The following SGSM1 variants were observed in gnomAD, a reference collection of about 807,000 sequenced individuals.
The protein encoded by SGSM1 is small G protein signaling modulator 1.
A neutral mutation model predicts 133.8 loss-of-function variants in SGSM1; 73 were observed. The ratio of observed to expected loss-of-function variants is 0.55; its 90% CI spans 0.45 to 0.66. The LOEUF is 0.66. Among genes scored for constraint, SGSM1 ranks in the 30% least tolerant of loss-of-function variants. The pLI, the probability that SGSM1 is intolerant of heterozygous loss-of-function variation, is 0.00. For missense variants in SGSM1, 1,213 were observed against 1,448.1 expected, an observed-to-expected ratio of 0.84 and a Z score of 2.64; for synonymous variants, 563 against 573.0, an observed-to-expected ratio of 0.98 and a Z score of 0.25.
chr22:24,855,248 C>T (rs373064411), intron 6 of SGSM1, 37 bp from the exon 7 acceptor site: 89 of 1,589,802 alleles, frequency 5.6e-5, no homozygotes, highest in South Asian at 6.8e-5. Context: ...GAGGACTTTC[C>T]GGGGCAGTGG....
intron 2 of SGSM1, among the ~76,000 whole-genome samples, chr22:24,823,063 T>G (rs1928575257): frequency 6.6e-6 from 1 of 152,188 alleles, no homozygotes; most frequent in Non-Finnish European, 1.5e-5. Context: ...GATTTGAATC[T>G]TGCCCTGCCA....
At chr22:24,808,109 C>T (rs1927519272) in intron 2 of SGSM1, among the ~76,000 whole-genome samples, 8 of 144,960 alleles carry the variant, frequency 5.5e-5, no homozygotes, top group Non-Finnish European at 7.6e-5. Flanking sequence ...TTTTTTTTTT[C>T]TTGGTGTTTT....
At chr22:24,842,399 C>T (rs1929859562) in intron 2 of SGSM1, among the ~76,000 whole-genome samples, 1 of 152,122 alleles carries the variant, frequency 6.6e-6, no homozygotes, top group Admixed American at 6.5e-5. Context: ...TGTTACTGCT[C>T]TATTATCCAC....
chr22:24,855,801 C>G (rs1191324157), intron 8 of SGSM1, 121 bp downstream of exon 8: 1 of 1,413,884 alleles, frequency 7.1e-7, no homozygotes, highest in Non-Finnish European at 9.9e-7. Flanking sequence ...CACCCATGCA[C>G]ACATCCACCC....
At chr22:24,876,781 T>G in intron 13 of SGSM1, 66 bp downstream of exon 13, 1 of 1,596,214 alleles carries the variant, frequency 6.3e-7, no homozygotes, top group Non-Finnish European at 8.6e-7. Flanking sequence ...TAGATGCCCA[T>G]GTCTTACCCT....
At chr22:24,887,874 T>G (rs2123681295) in intron 16 of SGSM1, among the ~76,000 whole-genome samples, 1 of 152,310 alleles carries the variant, frequency 6.6e-6, no homozygotes, top group South Asian at 2.1e-4. Flanking sequence ...GTCTTGTCAC[T>G]ATTTTTTATT....
chr22:24,812,990 C>A lies in SGSM1; in HGVS notation c.63+6506C>A, dbSNP rs551957422. ...ATATGTATTAAAGGTAACAAGAGCT[C>A]CAAGGAAAATAACGGCTGGAAGAGA... On this transcript the variant is annotated intron_variant, in intron 2 of 24. Coordinates refer to ENST00000400358, the MANE Select transcript of SGSM1 (RefSeq NM_001098497.3). 4.6e-5 allele frequency among the ~76,000 whole-genome samples: 7 copies of A among 152,162 alleles called. No individual in the cohort carries two copies. In the South Asian group the frequency reaches 1.4e-3, roughly 32 times the overall value.
chr22:24,836,714 G>A (rs1929451359), intron 2 of SGSM1, among the ~76,000 whole-genome samples: 1 of 152,106 alleles, frequency 6.6e-6, no homozygotes, highest in Non-Finnish European at 1.5e-5. Context: ...GTGCTTGTTC[G>A]TCATTTGCAC....
At chr22:24,882,155 C>T (rs1932367977) in intron 14 of SGSM1, among the ~76,000 whole-genome samples, 1 of 152,154 alleles carries the variant, frequency 6.6e-6, no homozygotes, top group Non-Finnish European at 1.5e-5. Context: ...CACCCTCTAC[C>T]TCCCTGGCTG....
intron 22 of SGSM1, among the ~76,000 whole-genome samples, chr22:24,917,055 CTTTTTTTTT>C (rs139775): frequency 2.5e-5 from 3 of 118,480 alleles, no homozygotes; most frequent in Non-Finnish European, 5.2e-5. Context: ...ATAAAAAATT[CTTTTTTTTT>C]TTTTTTTTTT....
rs1444242223 is a variant in SGSM1, at chr22:24,886,719, A to G, written c.1761A>G (p.Glu587=). 1 of 1,585,644 alleles carries G rather than the reference A, an allele frequency of 6.3e-7. No individual in the cohort carries two copies. Among genetic ancestry groups the G allele is most frequent in the Non-Finnish European group, 8.6e-7 (1 of 1,166,282 alleles). ...GHYQFGMTET[E]RKEVDEQIHA... ...ACCAGTTCGGGATGACGGAAACAGAAAGGAAAGAGGTCGGTTACCTGCCAT... is the reference window on the plus strand; with the variant it reads ...ACCAGTTCGGGATGACGGAAACAGAGAGGAAAGAGGTCGGTTACCTGCCAT... Residue 587 remains glutamate (E), a synonymous_variant, in exon 16 of 25, where the codon GAA becomes GAG. Coordinates refer to ENST00000400358, the MANE Select transcript of SGSM1 (RefSeq NM_001098497.3).
chr22:24,869,635 A>G (rs904454775), intron 12 of SGSM1, among the ~76,000 whole-genome samples: 1 of 152,312 alleles, frequency 6.6e-6, no homozygotes, highest in African/African-American at 2.4e-5. Flanking sequence ...TAAAGATTCA[A>G]TGAGATGATG....
chr22:24,910,752 C>T (rs1417224401), intron 21 of SGSM1, among the ~76,000 whole-genome samples: 1 of 152,100 alleles, frequency 6.6e-6, no homozygotes, highest in Non-Finnish European at 1.5e-5. Context: ...GGAAACCAGC[C>T]TGGCCAACAT....
chr22:24,879,141 C>T (rs1932184081), intron 13 of SGSM1, among the ~76,000 whole-genome samples: 1 of 152,176 alleles, frequency 6.6e-6, no homozygotes. Context: ...GGCTAATTCT[C>T]ATTGGCTCAG....
intron 2 of SGSM1, among the ~76,000 whole-genome samples, chr22:24,818,751 G>A (rs1222085027): frequency 1.3e-5 from 2 of 152,170 alleles, no homozygotes; most frequent in East Asian, 1.9e-4. Context: ...GTGTGATACA[G>A]AGATGATTGC....
At chr22:24,867,353 G>T (rs553334829) in intron 10 of SGSM1, among the ~76,000 whole-genome samples, 193 bp downstream of exon 10, 1 of 152,292 alleles carries the variant, frequency 6.6e-6, no homozygotes, top group African/African-American at 2.4e-5. Context: ...ATTATAACAG[G>T]ACCCTCTCAT....
At chr22:24,897,351 G>T (rs1161149384) in intron 18 of SGSM1, among the ~76,000 whole-genome samples, 1 of 152,194 alleles carries the variant, frequency 6.6e-6, no homozygotes, top group Non-Finnish European at 1.5e-5. Context: ...CTGCACTCCA[G>T]CCTGGGCAAC....
At chr22:24,811,834 A>G (rs1927757116) in intron 2 of SGSM1, among the ~76,000 whole-genome samples, 1 of 148,058 alleles carries the variant, frequency 6.8e-6, no homozygotes, top group East Asian at 2.0e-4. Flanking sequence ...GCATCACTGC[A>G]CTTCAGCCAA....
At chr22:24,809,908 AC>A (rs1399414994) in intron 2 of SGSM1, among the ~76,000 whole-genome samples, 1 of 152,226 alleles carries the variant, frequency 6.6e-6, no homozygotes, top group Middle Eastern at 3.2e-3. Flanking sequence ...GTTTCAGAAG[AC>A]AGGTGCAAGA....
Sources: allele counts gnomAD v4.1 joint callset (sites outside exome capture counted in the v4.1 genomes callset), GRCh38; gene constraint gnomAD v4.1.1; transcripts MANE v1.5; gene names NCBI Gene and HGNC (gene_info 2026-07-23, HGNC 2026-07-21).